Variants in FAM81B observed in about 807,000 individuals in gnomAD.
FAM81B encodes family with sequence similarity 81 member B, also known as protein FAM81B.
A neutral mutation model predicts 58.7 loss-of-function variants in FAM81B; 60 were observed. The observed-to-expected ratio is 1.02, with a 90% CI of 0.83 to 1.27. FAM81B has a LOEUF of 1.27. FAM81B is among the 50% of genes most tolerant of loss of function. The pLI, the probability that FAM81B is intolerant of heterozygous loss-of-function variation, is 0.00. For missense variants in FAM81B, 491 were observed against 522.0 expected, an observed-to-expected ratio of 0.94 and a Z score of 0.58; for synonymous variants, 189 against 179.6, an observed-to-expected ratio of 1.05 and a Z score of -0.42.
At chr5:95,407,748 T>C (rs1372865321) in intron 3 of FAM81B, among the ~76,000 whole-genome samples, 1 of 152,234 alleles carries the variant, frequency 6.6e-6, no homozygotes, top group Non-Finnish European at 1.5e-5. Context: ...CTACAACTTC[T>C]AGGTTTATAA....
Position 95,446,687 on chromosome 5 carries a change from A to T in FAM81B, c.1019A>T (p.Gln340Leu). Reference sequence around the variant, plus strand: ...ATAAATGAATGTCTGAAGGTCCTACAGGAGAAACTGGTGAGGAGTTCTGTT... The same window carrying T: ...ATAAATGAATGTCTGAAGGTCCTACTGGAGAAACTGGTGAGGAGTTCTGTT... ...GHINECLKVL[Q>L]EKLEKSENKM... Residue 340 changes from glutamine (Q) to leucine (L), a missense_variant, in exon 8 of 10, where the codon CAG becomes CTG. By Grantham distance (113) the Gln-to-Leu change is moderately radical. Transcript: ENST00000283357. The T allele has an allele frequency of 1.9e-6, 3 of 1,611,344 alleles. No individual in the cohort carries two copies. Among genetic ancestry groups the T allele is most frequent in the Non-Finnish European group, 1.7e-6 (2 of 1,179,366 alleles).
At position 95,450,356 on chromosome 5, in the gene FAM81B, C is replaced by T; in HGVS notation, c.*74C>T. Reference sequence around the variant, plus strand: ...GAAAAAGTTCTGAAGAAGAAAGTTACTATCTCTGGGATGTTTACTGCTTCT... The same window carrying T: ...GAAAAAGTTCTGAAGAAGAAAGTTATTATCTCTGGGATGTTTACTGCTTCT... On this transcript the variant is annotated 3_prime_UTR_variant, in exon 10 of 10. Coordinates refer to ENST00000283357, the MANE Select transcript of FAM81B (RefSeq NM_152548.3). 3 of 1,584,256 alleles carry T rather than the reference C, an allele frequency of 1.9e-6. No homozygotes were observed. The South Asian group carries it at 3.6e-5, about 19-fold the overall frequency.
chr5:95,448,411 T>G lies in FAM81B; in HGVS notation c.1172T>G (p.Met391Arg). 1 of 1,612,406 alleles carries G rather than the reference T, an allele frequency of 6.2e-7. No individual in the cohort carries two copies. The highest frequency in any genetic ancestry group is 8.5e-7 in the Non-Finnish European group (1 of 1,179,540). ...ENKLSKKMEQ[M>R]EKQIWGELET... ...AAATTGTCCAAAAAGATGGAACAAA[T>G]GGAAAAGCAGATCTGGGGTGAATTA... Residue 391 changes from methionine to arginine, a missense_variant, in exon 9 of 10, where the codon ATG (methionine) becomes AGG (arginine). Physicochemically the swap from Met to Arg is moderately conservative, Grantham distance 91. Coordinates refer to ENST00000283357, the MANE Select transcript of FAM81B (RefSeq NM_152548.3).
intron 3 of FAM81B, among the ~76,000 whole-genome samples, chr5:95,413,022 C>A (rs752159205): frequency 6.6e-6 from 1 of 152,158 alleles, no homozygotes; most frequent in African/African-American, 2.4e-5. Context: ...TATCGGCAAG[C>A]ATCTTTGGTT....
At chr5:95,436,739 A>G (rs780007288) in intron 6 of FAM81B, 61 bp from the exon 7 acceptor site, 2 of 1,061,132 alleles carry the variant, frequency 1.9e-6, no homozygotes, top group Non-Finnish European at 2.9e-6. Context: ...GGAATAAAGT[A>G]TATTAATGTG....
chr5:95,424,826 A>G (rs1762780990), intron 5 of FAM81B, among the ~76,000 whole-genome samples: 2 of 152,194 alleles, frequency 1.3e-5, no homozygotes, highest in Admixed American at 1.3e-4. Context: ...TTACTTTGAT[A>G]AAATAAATAA....
chr5:95,437,329 C>T (rs191204022), intron 7 of FAM81B, among the ~76,000 whole-genome samples: 1 of 152,002 alleles, frequency 6.6e-6, no homozygotes, highest in African/African-American at 2.4e-5. Flanking sequence ...TACTCCTTTA[C>T]ATTATCATTA....
chr5:95,436,303 G>C (rs981513036), intron 6 of FAM81B, among the ~76,000 whole-genome samples: 5 of 152,028 alleles, frequency 3.3e-5, no homozygotes, highest in East Asian at 1.9e-4. Flanking sequence ...TGGAAATCTT[G>C]GGCCAGTCAT....
At position 95,414,624 on chromosome 5, in the gene FAM81B, C is replaced by T. The variant is rs1193306889; in HGVS notation, c.537+434C>T. Among the ~76,000 whole-genome samples the T allele has an allele frequency of 7.2e-5, 11 of 152,310 alleles. No individual in the cohort carries two copies. In the East Asian group the frequency reaches 2.1e-3, roughly 29 times the overall value. ...TCTACCCTTCTTTCCTTCACTCTGGCCACACTGGCCTCCCAGCTGTTCCTA... is the reference window on the plus strand; with the variant it reads ...TCTACCCTTCTTTCCTTCACTCTGGTCACACTGGCCTCCCAGCTGTTCCTA... On this transcript the variant is annotated intron_variant, in intron 4 of 9. Transcript: ENST00000283357.
At chr5:95,408,669 C>G (rs535982183) in intron 3 of FAM81B, among the ~76,000 whole-genome samples, 5 of 152,310 alleles carry the variant, frequency 3.3e-5, no homozygotes, top group Admixed American at 6.5e-5. Context: ...TTCAATCTTT[C>G]TAAGCCTCAG....
At position 95,450,163 on chromosome 5, in the gene FAM81B, C is replaced by T. The variant is rs772577405; in HGVS notation, c.1240C>T (p.His414Tyr). The T allele has an allele frequency of 2.5e-6, 4 of 1,611,414 alleles. No individual in the cohort carries two copies. The highest frequency in any genetic ancestry group is 3.4e-6 in the Non-Finnish European group (4 of 1,179,180). ...NEYQSGFKSI[H>Y]DSLSSLQQIQ... ...CCCTCTTACAGGATTTAAATCAATT[C>T]ATGACTCTCTCAGCTCCCTCCAACA... The change falls in exon 10 of 10, where the codon CAT (histidine) becomes TAT (tyrosine). Residue 414 changes from histidine to tyrosine, a missense_variant. By Grantham distance (83) the His-to-Tyr change is moderately conservative (BLOSUM62 2). Coordinates refer to ENST00000283357, the MANE Select transcript of FAM81B (RefSeq NM_152548.3).
intron 2 of FAM81B, among the ~76,000 whole-genome samples, chr5:95,393,870 T>G (rs983572677): frequency 2.0e-5 from 3 of 152,200 alleles, no homozygotes; most frequent in African/African-American, 7.2e-5. Context: ...AAAACTGATA[T>G]ATGTAAAAAA....
At chr5:95,406,341 A>G (rs1762245920) in intron 3 of FAM81B, 1 of 154,334 alleles carries the variant, frequency 6.5e-6, no homozygotes, top group Non-Finnish European at 1.5e-5. Flanking sequence ...AATTAGTTAT[A>G]TATGGATTTT....
At chr5:95,391,893 A>G (rs932804416) in intron 1 of FAM81B, among the ~76,000 whole-genome samples, 14 of 152,228 alleles carry the variant, frequency 9.2e-5, no homozygotes, top group African/African-American at 3.4e-4. Context: ...GAACGCTTTT[A>G]TACTGTTGGT....
At chr5:95,391,642 A>G (rs1761819540) in intron 1 of FAM81B, 129 bp downstream of exon 1, 2 of 1,007,260 alleles carry the variant, frequency 2.0e-6, no homozygotes, top group Non-Finnish European at 2.8e-6. Flanking sequence ...CAACAGAGTA[A>G]TAACTTAAAC....
Position 95,436,829 on chromosome 5 carries a change from T to G in FAM81B, c.816T>G (p.Thr272=), listed in dbSNP as rs765088067. 3 of 1,613,802 alleles carry G rather than the reference T, an allele frequency of 1.9e-6. No individual in the cohort carries two copies. In the East Asian group the frequency reaches 6.7e-5, roughly 36 times the overall value. ...TGCAGCTCTTAGGAAAGATAGAAAC[T>G]GCCAGTTCTGAGCAAACCTCGAATT... ...KVMQLLGKIE[T]ASSEQTSNLK... The change falls in exon 7 of 10, where the codon ACT becomes ACG. Residue 272 remains threonine (T), a synonymous_variant. Transcript: ENST00000283357.
intron 7 of FAM81B, 134 bp from the exon 8 acceptor site, chr5:95,446,428 C>A: frequency 1.1e-6 from 1 of 877,722 alleles, no homozygotes; most frequent in African/African-American, 1.7e-5. Context: ...CCTCTGGCAC[C>A]TCCCACATCA....
At chr5:95,411,938 A>T (rs1015614309) in intron 3 of FAM81B, among the ~76,000 whole-genome samples, 8 of 152,246 alleles carry the variant, frequency 5.3e-5, no homozygotes, top group Non-Finnish European at 1.2e-4. Context: ...TGATGTGAAG[A>T]TGAAATACAC....
At position 95,419,043 on chromosome 5, in the gene FAM81B, G is replaced by A. The variant is rs1296249471; in HGVS notation, c.538-1241G>A. ...CACTGATTTACTTATCCTTATTTTA[G>A]AAAATATTTTAGCATATAGTAGAGT... On this transcript the variant is annotated intron_variant, in intron 4 of 9. Transcript: ENST00000283357. 2.0e-5 allele frequency among the ~76,000 whole-genome samples: 3 copies of A among 152,002 alleles called. No individual in the cohort carries two copies. In the East Asian group the frequency reaches 5.8e-4, roughly 29 times the overall value.
Sources: allele counts gnomAD v4.1 joint callset (sites outside exome capture counted in the v4.1 genomes callset), GRCh38; gene constraint gnomAD v4.1.1; transcripts MANE v1.5; gene names NCBI Gene and HGNC (gene_info 2026-07-23, HGNC 2026-07-21).